Variants in RCOR1 observed in about 807,000 individuals in gnomAD.
The protein encoded by RCOR1 is REST corepressor.
RCOR1 carries 12 observed loss-of-function variants against 64.0 expected under a neutral mutation model. The observed-to-expected ratio is 0.19, with a 90% CI of 0.12 to 0.30. The LOEUF (loss-of-function observed/expected upper bound fraction) is 0.30. RCOR1 is among the 10% of genes least tolerant of loss of function. RCOR1 has a pLI of 1.00. For synonymous variants in RCOR1, 279 were observed against 227.2 expected (o/e 1.23, Z -2.05); for missense variants, 502 against 621.2 (o/e 0.81, Z 2.04).
chr14:102,707,710 C>G (rs981719900), intron 5 of RCOR1, among the ~76,000 whole-genome samples, 198 bp downstream of exon 5: 4 of 152,140 alleles, frequency 2.6e-5, no homozygotes, highest in African/African-American at 9.7e-5. Context: ...TCTAGCACTT[C>G]CCATCCTGTC....
intron 2 of RCOR1, among the ~76,000 whole-genome samples, chr14:102,678,205 GGAGAGAGAGGGAGACGA>G (rs2139957593): frequency 6.9e-6 from 1 of 145,666 alleles, no homozygotes; most frequent in Non-Finnish European, 1.5e-5. Flanking sequence ...AGGAGACCGT[GGAGAGAGAGGGAGACGA>G]GAGGGAGAGG....
At chr14:102,638,635 C>T (rs1390478800) in intron 2 of RCOR1, among the ~76,000 whole-genome samples, 2 of 151,746 alleles carry the variant, frequency 1.3e-5, no homozygotes, top group African/African-American at 4.8e-5. Flanking sequence ...TGTGAGCCAC[C>T]TCGCCTGGCC....
chr14:102,621,711 A>C (rs566067986), intron 2 of RCOR1, among the ~76,000 whole-genome samples: 1 of 33,804 alleles, frequency 3.0e-5, no homozygotes, highest in Non-Finnish European at 1.2e-4. Flanking sequence ...AAAATCACTT[A>C]AATGAATGAA....
At chr14:102,721,458 A>T in intron 10 of RCOR1, 81 bp downstream of exon 10, 1 of 1,048,668 alleles carries the variant, frequency 9.5e-7, no homozygotes, top group Admixed American at 1.9e-5. Flanking sequence ...TGGAAGGTTG[A>T]CGCATTTGCT....
At chr14:102,645,404 T>C (rs1399364648) in intron 2 of RCOR1, among the ~76,000 whole-genome samples, 1 of 152,224 alleles carries the variant, frequency 6.6e-6, no homozygotes, top group African/African-American at 2.4e-5. Context: ...TCATGGAGTT[T>C]ATTAGGTGCA....
intron 4 of RCOR1, among the ~76,000 whole-genome samples, chr14:102,703,995 C>T (rs1895799922): frequency 6.6e-6 from 1 of 152,230 alleles, no homozygotes; most frequent in Admixed American, 6.5e-5. Context: ...TCATTGTAAT[C>T]AGTTTTGTCT....
chr14:102,673,569 T>C (rs1305169843), intron 2 of RCOR1, among the ~76,000 whole-genome samples: 1 of 152,152 alleles, frequency 6.6e-6, no homozygotes, highest in Non-Finnish European at 1.5e-5. Flanking sequence ...TCTCCTGACC[T>C]TGTGATCCGC....
chr14:102,723,268 C>T (rs983308246), intron 11 of RCOR1, among the ~76,000 whole-genome samples: 5 of 152,306 alleles, frequency 3.3e-5, no homozygotes, highest in South Asian at 2.1e-4. Context: ...TTTTGTATTG[C>T]GTGTGCTACC....
intron 2 of RCOR1, chr14:102,662,386 C>CT: frequency 1.8e-6 from 1 of 564,052 alleles, no homozygotes; most frequent in East Asian, 4.6e-5. Context: ...CCTGTTTGAT[C>CT]TGGTGCCTGT....
chr14:102,684,256 G>A (rs1350006113), intron 3 of RCOR1, among the ~76,000 whole-genome samples: 2 of 152,150 alleles, frequency 1.3e-5, no homozygotes, highest in Non-Finnish European at 2.9e-5. Flanking sequence ...AGGGCTCATC[G>A]GTAGTGTTCA....
intron 2 of RCOR1, among the ~76,000 whole-genome samples, chr14:102,611,855 G>A (rs1013090395): frequency 6.6e-6 from 1 of 152,128 alleles, no homozygotes; most frequent in Non-Finnish European, 1.5e-5. Context: ...TTTTAGAGAA[G>A]GTGTCTTGCT....
At chr14:102,623,383 A>ATTT (rs1893914601) in intron 2 of RCOR1, among the ~76,000 whole-genome samples, 5 of 125,388 alleles carry the variant, frequency 4.0e-5, no homozygotes, top group African/African-American at 1.2e-4. Flanking sequence ...TCCTTTATTT[A>ATTT]TTTATTATTT....
intron 2 of RCOR1, chr14:102,662,628 T>C: frequency 2.2e-6 from 1 of 450,584 alleles, no homozygotes; most frequent in Admixed American, 2.7e-5. Context: ...CTTTCAACAC[T>C]GCTTTCTTGG....
Position 102,730,397 on chromosome 14 carries a change from C to G in RCOR1, c.*3891C>G, listed in dbSNP as rs1024611749. ...TGCCTGTTTTCTATTTCAGCACATTCATTGTGGTGAATGTTCATAGCATTA... is the reference window on the plus strand; with the variant it reads ...TGCCTGTTTTCTATTTCAGCACATTGATTGTGGTGAATGTTCATAGCATTA... On this transcript the variant is annotated 3_prime_UTR_variant, in exon 12 of 12. Coordinates refer to ENST00000262241, the MANE Select transcript of RCOR1 (RefSeq NM_015156.4). 1.8e-5 allele frequency: 3 copies of G among 168,512 alleles called. No homozygotes were observed. Among genetic ancestry groups the G allele is most frequent in the Non-Finnish European group, 2.5e-5 (2 of 78,960 alleles). The allele number at this position is 168,512 out of a possible 1,614,324, so 10.4% of individuals were successfully genotyped here.
intron 5 of RCOR1, among the ~76,000 whole-genome samples, chr14:102,708,204 A>T (rs1265260890): frequency 2.0e-5 from 3 of 152,040 alleles, no homozygotes; most frequent in Non-Finnish European, 4.4e-5. Flanking sequence ...TGACCTCGTG[A>T]TCCACCCGCC....
At chr14:102,627,960 G>GTGT (rs1894016119) in intron 2 of RCOR1, among the ~76,000 whole-genome samples, 1 of 148,972 alleles carries the variant, frequency 6.7e-6, no homozygotes, top group Admixed American at 6.7e-5. Flanking sequence ...ATTTAAAAGG[G>GTGT]GTGTGTGTGT....
chr14:102,682,096 A>G, intron 3 of RCOR1, 118 bp downstream of exon 3: 1 of 619,796 alleles, frequency 1.6e-6, no homozygotes, highest in Non-Finnish European at 2.7e-6. Context: ...AAGATAAATA[A>G]TTTAAAGAGT....
At chr14:102,657,283 G>T in intron 2 of RCOR1, 1 of 985,276 alleles carries the variant, frequency 1.0e-6, no homozygotes. Flanking sequence ...TATGCTTTTG[G>T]TGAGTCCTTT....
chr14:102,628,473 C>T (rs1894027426), intron 2 of RCOR1, among the ~76,000 whole-genome samples: 1 of 151,372 alleles, frequency 6.6e-6, no homozygotes, highest in South Asian at 2.1e-4. Context: ...CTCTCTCTCT[C>T]TTTTCTTTTT....
Sources: allele counts gnomAD v4.1 joint callset (sites outside exome capture counted in the v4.1 genomes callset), GRCh38; gene constraint gnomAD v4.1.1; transcripts MANE v1.5; gene names NCBI Gene and HGNC (gene_info 2026-07-23, HGNC 2026-07-21).